FAM114A1: variants seen among roughly 807,000 people sequenced by gnomAD.
FAM114A1 encodes protein NOXP20.
FAM114A1 carries 62 observed loss-of-function variants against 64.3 expected under a neutral mutation model. The observed-to-expected ratio is 0.96, with a 90% CI of 0.79 to 1.19. The LOEUF (loss-of-function observed/expected upper bound fraction) is 1.19. Ranked by LOEUF, FAM114A1 falls within the 50% of genes most tolerant of loss-of-function variation. The pLI is 0.00. For missense variants in FAM114A1, 645 were observed against 676.3 expected (o/e 0.95, Z 0.51); for synonymous variants, 254 against 251.1 (o/e 1.01, Z -0.11).
In FAM114A1 at chr4:38,929,156, A is replaced by T. The variant is rs780634358; in HGVS notation, c.1070-86A>T. ...CTACAACCTCCACTTAGTCTACCCC[A>T]GCTGCAGGCTGTAATGTTGGGGGAG... On this transcript the variant is annotated intron_variant, in intron 9 of 14. Coordinates refer to ENST00000358869, the MANE Select transcript of FAM114A1 (RefSeq NM_138389.4). The T allele has an allele frequency of 4.8e-6, 5 of 1,040,262 alleles. No homozygotes were observed. The South Asian group carries it at 6.4e-5, about 13-fold the overall frequency. 64.4% of individuals were successfully genotyped at this position (1,040,262 alleles called of 1,614,324 possible).
intron 8 of FAM114A1, among the ~76,000 whole-genome samples, chr4:38,922,487 T>C (rs564925452): frequency 6.6e-6 from 1 of 152,284 alleles, no homozygotes; most frequent in African/African-American, 2.4e-5. Flanking sequence ...CCACCACCAT[T>C]TATGCAGCAC....
In FAM114A1 at chr4:38,944,857, T is replaced by A. The variant is rs959433859; in HGVS notation, c.*1300T>A. 1.3e-5 allele frequency: 2 copies of A among 151,928 alleles called. No homozygotes were observed. Among genetic ancestry groups the A allele is most frequent in the African/African-American group, 4.8e-5 (2 of 41,374 alleles). 9.4% of individuals were successfully genotyped at this position (151,928 alleles called of 1,614,324 possible). On this transcript the variant is annotated 3_prime_UTR_variant, in exon 15 of 15. Transcript: ENST00000358869. ...CCCCGAGTCCGTGAAAAAATTGTCT[T>A]CCATGAAACCGGTCCCTGGTACCAG...
At position 38,922,889 on chromosome 4, in the gene FAM114A1, A is replaced by G. The variant is rs756344600; in HGVS notation, c.1065A>G (p.Glu355=). ...TAGAGAATGAAGAAAATCAAGAAGA[A>G]CAAGGTAAAGGAAAATAACTTAAAT... ...KELENEENQE[E]QGLEEKGEEF... The change falls in exon 9 of 15, where the codon GAA becomes GAG. Residue 355 remains glutamate, a synonymous_variant. Coordinates refer to ENST00000358869, the MANE Select transcript of FAM114A1 (RefSeq NM_138389.4). 2 of 1,608,156 alleles carry G rather than the reference A, an allele frequency of 1.2e-6. No individual in the cohort carries two copies. The highest frequency in any genetic ancestry group is 1.7e-6 in the Non-Finnish European group (2 of 1,178,450).
intron 2 of FAM114A1, among the ~76,000 whole-genome samples, chr4:38,870,332 G>A (rs1387138109): frequency 6.6e-6 from 1 of 152,174 alleles, no homozygotes; most frequent in Non-Finnish European, 1.5e-5. Flanking sequence ...CTTGCACAGG[G>A]TCAGTCTAGT....
intron 8 of FAM114A1, among the ~76,000 whole-genome samples, chr4:38,916,472 T>A (rs77759986): frequency 0.044 from 6,682 of 152,250 alleles, 447 homozygotes; most frequent in African/African-American, 0.14. Context: ...CGTGGAATAC[T>A]ATGCAGCCAT....
At chr4:38,901,124 C>A (rs2109655543) in intron 4 of FAM114A1, among the ~76,000 whole-genome samples, 1 of 152,234 alleles carries the variant, frequency 6.6e-6, no homozygotes, top group East Asian at 1.9e-4. Flanking sequence ...AAGGGAGAAA[C>A]TTTCCTGATG....
intron 4 of FAM114A1, among the ~76,000 whole-genome samples, chr4:38,895,173 A>C (rs940174554): frequency 2.6e-5 from 4 of 152,226 alleles, no homozygotes; most frequent in Admixed American, 6.5e-5. Context: ...TGGCTCTGCC[A>C]GCTGCTCAGC....
intron 4 of FAM114A1, among the ~76,000 whole-genome samples, chr4:38,897,211 T>G (rs567478293): frequency 9.8e-5 from 15 of 152,342 alleles, no homozygotes; most frequent in African/African-American, 3.6e-4. Context: ...CACTGTGCCC[T>G]TAACCTAAGA....
intron 2 of FAM114A1, among the ~76,000 whole-genome samples, chr4:38,870,746 G>A (rs971001066): frequency 1.3e-5 from 2 of 152,106 alleles, no homozygotes; most frequent in East Asian, 1.9e-4. Context: ...ACACCCAGAC[G>A]GAGATGGAAA....
chr4:38,906,043 A>G (rs112282407), intron 6 of FAM114A1, among the ~76,000 whole-genome samples, 182 bp downstream of exon 6: 2,167 of 152,218 alleles, frequency 0.014, 20 homozygotes, highest in Non-Finnish European at 0.024. Context: ...TCAAAATAAT[A>G]AGGGCAAAAT....
chr4:38,910,501 G>A (rs902109825), intron 7 of FAM114A1, among the ~76,000 whole-genome samples: 2 of 152,152 alleles, frequency 1.3e-5, no homozygotes, highest in African/African-American at 4.8e-5. Context: ...CACAGAGAGG[G>A]GATGTGGAAG....
At chr4:38,874,377 G>A (rs978380911) in intron 2 of FAM114A1, among the ~76,000 whole-genome samples, 2 of 152,150 alleles carry the variant, frequency 1.3e-5, no homozygotes, top group South Asian at 2.1e-4. Flanking sequence ...GTGTGAGATG[G>A]TGTCTCATTA....
At chr4:38,909,948 G>C (rs1718376136) in intron 7 of FAM114A1, among the ~76,000 whole-genome samples, 1 of 152,108 alleles carries the variant, frequency 6.6e-6, no homozygotes, top group African/African-American at 2.4e-5. Context: ...AAAGAAAATA[G>C]ATGGCTGGGC....
chr4:38,886,495 CAAAG>C (rs1715817884), intron 3 of FAM114A1, among the ~76,000 whole-genome samples: 1 of 151,442 alleles, frequency 6.6e-6, no homozygotes, highest in African/African-American at 2.4e-5. Context: ...TTTTAAGAGA[CAAAG>C]AAGAAAGATG....
chr4:38,887,961 T>A (rs1353101056), intron 3 of FAM114A1, among the ~76,000 whole-genome samples: 1 of 152,152 alleles, frequency 6.6e-6, no homozygotes, highest in East Asian at 1.9e-4. Flanking sequence ...ATTGCCCACA[T>A]CCCTGGATAC....
intron 3 of FAM114A1, among the ~76,000 whole-genome samples, chr4:38,887,345 A>G (rs997243763): frequency 6.6e-6 from 1 of 152,242 alleles, no homozygotes; most frequent in Admixed American, 6.5e-5. Context: ...CTTTTGGTTA[A>G]TGTTTGATTT....
At chr4:38,879,221 T>G (rs1714966999) in intron 3 of FAM114A1, among the ~76,000 whole-genome samples, 1 of 152,140 alleles carries the variant, frequency 6.6e-6, no homozygotes, top group Non-Finnish European at 1.5e-5. Context: ...ATGGACTGCC[T>G]TCTAGAAGGG....
In FAM114A1 at chr4:38,905,861, A is replaced by G. The variant is rs777277396; in HGVS notation, c.657A>G (p.Thr219=). Residue 219 remains threonine, a splice_region_variant and synonymous_variant, in exon 6 of 15, where the codon ACA becomes ACG. Transcript: ENST00000358869. ...LSAITNVVQN[T]GKSVLTGGLD... ...CCATCACCAATGTGGTTCAAAACAC[A>G]GTGAGTCGCTGGCTGCTTCCTCTCT... 40 of 1,608,772 alleles carry G rather than the reference A, an allele frequency of 2.5e-5. 1 individual carries two copies. The South Asian group carries it at 4.3e-4, about 17-fold the overall frequency.
At chr4:38,913,328 T>C (rs1038973842) in intron 7 of FAM114A1, among the ~76,000 whole-genome samples, 3 of 152,194 alleles carry the variant, frequency 2.0e-5, no homozygotes, top group African/African-American at 7.2e-5. Context: ...AAGTTATTAA[T>C]GGGGAGAGGA....
Sources: gnomAD v4.1 joint callset for allele counts (sites outside exome capture counted in the v4.1 genomes callset) on GRCh38, gnomAD v4.1.1 for gene constraint, MANE v1.5 for transcripts, NCBI Gene and HGNC (gene_info 2026-07-23, HGNC 2026-07-21) for gene names.